RAB11FIP2: variants seen among roughly 807,000 people sequenced by gnomAD.
RAB11FIP2 encodes the protein RAB11 family interacting protein 2.
A neutral mutation model predicts 40.9 loss-of-function variants in RAB11FIP2; 16 were observed. That is an observed-to-expected ratio of 0.39 (90% CI 0.26 to 0.59). The LOEUF (loss-of-function observed/expected upper bound fraction) is 0.59, where lower values mean the gene tolerates loss of function less well. Among genes scored for constraint, RAB11FIP2 ranks in the 20% least tolerant of loss-of-function variants. The pLI is 0.53. For missense variants in RAB11FIP2, 532 were observed against 606.2 expected, an observed-to-expected ratio of 0.88 and a Z score of 1.28; for synonymous variants, 228 against 213.7, an observed-to-expected ratio of 1.07 and a Z score of -0.58.
In RAB11FIP2 at chr10:118,007,652, A is replaced by C. The variant is rs1002987848; in HGVS notation, c.*1346T>G. On this transcript the variant is annotated 3_prime_UTR_variant, in exon 5 of 5. Coordinates refer to ENST00000355624, the MANE Select transcript of RAB11FIP2 (RefSeq NM_014904.3). ...TAGTATTTCAGACTTTAAAGGCTGA[A>C]AAATAAGCAGAAGATTAGCAATATT... 6.6e-6 allele frequency: 1 copy of C among 152,118 alleles called. No homozygotes were observed. Among genetic ancestry groups the C allele is most frequent in the African/African-American group, 2.4e-5 (1 of 41,442 alleles). The allele number at this position is 152,118 out of a possible 1,614,324, so 9.4% of individuals were successfully genotyped here.
chr10:118,027,664 A>G (rs889232696), intron 3 of RAB11FIP2, among the ~76,000 whole-genome samples: 1 of 152,192 alleles, frequency 6.6e-6, no homozygotes, highest in Non-Finnish European at 1.5e-5. Context: ...ATACTTCCTC[A>G]GGAACCTACC....
chr10:118,012,824 TTTC>T (rs1385863340), intron 4 of RAB11FIP2, among the ~76,000 whole-genome samples: 1 of 152,046 alleles, frequency 6.6e-6, no homozygotes, highest in African/African-American at 2.4e-5. Context: ...TTTAAGATGT[TTTC>T]TTATTTTGAA....
chr10:118,015,615 T>C (rs1846210404), intron 3 of RAB11FIP2, among the ~76,000 whole-genome samples: 2 of 152,190 alleles, frequency 1.3e-5, no homozygotes. Context: ...TTCAGAATTG[T>C]GGGAAACATT....
intron 3 of RAB11FIP2, among the ~76,000 whole-genome samples, chr10:118,029,333 C>G (rs909892732): frequency 6.6e-6 from 1 of 152,202 alleles, no homozygotes; most frequent in Non-Finnish European, 1.5e-5. Context: ...CATCAACTCT[C>G]ACTAAAACAA....
chr10:118,040,940 G>T (rs916442159), intron 1 of RAB11FIP2, among the ~76,000 whole-genome samples: 3 of 151,880 alleles, frequency 2.0e-5, no homozygotes, highest in African/African-American at 7.3e-5. Context: ...AACATTAAAA[G>T]ACATTGAGGC....
chr10:118,012,557 A>AT (rs1372864635), intron 4 of RAB11FIP2, among the ~76,000 whole-genome samples: 2 of 151,920 alleles, frequency 1.3e-5, no homozygotes, highest in African/African-American at 2.4e-5. Context: ...GTTTGTTGAT[A>AT]TAACTCCAAA....
chr10:118,015,687 AAAC>A (rs530268981), intron 3 of RAB11FIP2, among the ~76,000 whole-genome samples: 73 of 152,344 alleles, frequency 4.8e-4, no homozygotes, highest in Non-Finnish European at 5.9e-4. Context: ...AAACGAATCA[AAAC>A]AACACAGATT....
intron 4 of RAB11FIP2, among the ~76,000 whole-genome samples, chr10:118,013,807 C>T (rs1306543529): frequency 2.0e-5 from 3 of 152,022 alleles, no homozygotes; most frequent in African/African-American, 4.8e-5. Flanking sequence ...GCTTCTACAG[C>T]AATAAATTAC....
rs1273503710 is a variant in RAB11FIP2, at chr10:118,015,124, A to T, written c.1266-14T>A. On this transcript the variant is annotated splice_polypyrimidine_tract_variant and intron_variant, in intron 3 of 4. Transcript: ENST00000355624. Reference sequence around the variant, plus strand: ...CTCATATGAAAACTAATAAAACACAAACAAATGTTAAAAGTGTCATAACTC... The same window carrying T: ...CTCATATGAAAACTAATAAAACACATACAAATGTTAAAAGTGTCATAACTC... The T allele has an allele frequency of 6.3e-7, 1 of 1,597,188 alleles. No individual in the cohort carries two copies. Among genetic ancestry groups the T allele is most frequent in the East Asian group, 2.2e-5 (1 of 44,496 alleles).
At chr10:118,012,135 T>G (rs1351956995) in intron 4 of RAB11FIP2, among the ~76,000 whole-genome samples, 2 of 152,018 alleles carry the variant, frequency 1.3e-5, no homozygotes, top group African/African-American at 4.8e-5. Context: ...AATAGTTTAA[T>G]CTTTCAAAAT....
At chr10:118,038,236 A>G (rs1299918540) in intron 3 of RAB11FIP2, among the ~76,000 whole-genome samples, 1 of 151,280 alleles carries the variant, frequency 6.6e-6, no homozygotes, top group Non-Finnish European at 1.5e-5. Context: ...ATCTACACTT[A>G]TATCTATATA....
In RAB11FIP2 at chr10:118,039,653, T is replaced by C. The variant is rs1023012117; in HGVS notation, c.797-213A>G. 16 of 552,470 alleles carry C rather than the reference T, an allele frequency of 2.9e-5. No individual in the cohort carries two copies. In the East Asian group the frequency reaches 4.2e-4, roughly 14 times the overall value. The allele number at this position is 552,470 out of a possible 1,614,324, so 34.2% of individuals were successfully genotyped here. The stretch of plus-strand genomic sequence containing the variant: ...AACAACTAGCATATTGCTAGACCAT[T>C]AGTAATGTATTCAGCTCACAATCAT... On this transcript the variant is annotated intron_variant, in intron 2 of 4. Transcript: ENST00000355624.
chr10:118,018,836 C>G (rs896007453), intron 3 of RAB11FIP2, among the ~76,000 whole-genome samples: 3 of 152,038 alleles, frequency 2.0e-5, no homozygotes, highest in Non-Finnish European at 4.4e-5. Context: ...ATAACTCAAT[C>G]ATTAGAGCAA....
Position 118,039,046 on chromosome 10 carries a change from C to G in RAB11FIP2, c.1191G>C (p.Gln397His). The G allele has an allele frequency of 6.2e-7, 1 of 1,612,962 alleles. No homozygotes were observed. The highest frequency in any genetic ancestry group is 1.1e-5 in the South Asian group (1 of 90,760). The change falls in exon 3 of 5, where the codon CAG (glutamine) becomes CAC (histidine). Residue 397 changes from glutamine to histidine, a missense_variant. Gln to His is a conservative substitution (Grantham distance 24, BLOSUM62 0). Coordinates refer to ENST00000355624, the MANE Select transcript of RAB11FIP2 (RefSeq NM_014904.3). ...TGGTTGACTCATAATCAAAATAGTCCTGGCGATTTTCACTAAATGCATTAG... is the reference window on the plus strand; with the variant it reads ...TGGTTGACTCATAATCAAAATAGTCGTGGCGATTTTCACTAAATGCATTAG... ...KSPNAFSENRQDYFDYESTNP... is the reference protein window; with the variant it reads ...KSPNAFSENRHDYFDYESTNP...
Position 118,009,196 on chromosome 10 carries a change from C to G in RAB11FIP2, c.1341G>C (p.Gly447=), listed in dbSNP as rs139031897. 8 of 1,613,228 alleles carry G rather than the reference C, an allele frequency of 5.0e-6. No individual in the cohort carries two copies. The highest frequency in any genetic ancestry group is 6.8e-6 in the Non-Finnish European group (8 of 1,179,420). The stretch of plus-strand genomic sequence containing the variant: ...CCTCTTCATAGGTCAGACTACGATA[C>G]CCTGCAGTGGCATCAAAGGGGTTGC... ...PDSNPFDATA[G]YRSLTYEEVL... Residue 447 remains glycine, a synonymous_variant, in exon 5 of 5, where the codon GGG becomes GGC. Transcript: ENST00000355624.
At chr10:118,030,536 T>C (rs112382131) in intron 3 of RAB11FIP2, among the ~76,000 whole-genome samples, 98 of 152,262 alleles carry the variant, frequency 6.4e-4, no homozygotes, top group African/African-American at 2.3e-3. Context: ...AAAGAGGTCC[T>C]AACAACACAT....
intron 3 of RAB11FIP2, among the ~76,000 whole-genome samples, chr10:118,037,951 A>G (rs1846503387): frequency 6.6e-6 from 1 of 152,062 alleles, no homozygotes; most frequent in African/African-American, 2.4e-5. Flanking sequence ...TACCTAATAC[A>G]ATGTAAACCA....
At chr10:118,033,076 GA>G (rs903385369) in intron 3 of RAB11FIP2, among the ~76,000 whole-genome samples, 7 of 150,258 alleles carry the variant, frequency 4.7e-5, no homozygotes, top group African/African-American at 1.5e-4. Context: ...TATATGTATA[GA>G]AAAAAAAACA....
intron 1 of RAB11FIP2, among the ~76,000 whole-genome samples, chr10:118,042,356 C>T (rs756714724): frequency 1.9e-4 from 29 of 152,020 alleles, no homozygotes; most frequent in Non-Finnish European, 3.7e-4. Flanking sequence ...ACTTTAACAT[C>T]TTTATTTCAT....
Sources: allele counts gnomAD v4.1 joint callset (sites outside exome capture counted in the v4.1 genomes callset), GRCh38; gene constraint gnomAD v4.1.1; transcripts MANE v1.5; gene names NCBI Gene and HGNC (gene_info 2026-07-23, HGNC 2026-07-21).